The following TPD52 variants were observed in gnomAD, a reference collection of about 807,000 sequenced individuals.
TPD52 encodes prostate and colon associated protein.
TPD52 carries 17 observed loss-of-function variants against 31.3 expected under a neutral mutation model. The ratio of observed to expected loss-of-function variants is 0.54; its 90% confidence interval spans 0.37 to 0.82. The LOEUF (loss-of-function observed/expected upper bound fraction) is 0.82. TPD52 is among the 40% of genes least tolerant of loss of function. TPD52 has a pLI of 0.00. For synonymous variants in TPD52, 83 were observed against 89.6 expected (o/e 0.93, Z 0.42); for missense variants, 212 against 240.1 (o/e 0.88, Z 0.77).
At chr8:80,141,983 G>C (rs547859451) in intron 1 of TPD52, among the ~76,000 whole-genome samples, 68 of 152,150 alleles carry the variant, frequency 4.5e-4, no homozygotes, top group African/African-American at 1.6e-3. Flanking sequence ...TGTAGCAATA[G>C]ATACTAAGAT....
At chr8:80,141,952 C>A (rs1809859995) in intron 1 of TPD52, among the ~76,000 whole-genome samples, 1 of 152,056 alleles carries the variant, frequency 6.6e-6, no homozygotes, top group Admixed American at 6.6e-5. Flanking sequence ...TTTTATTAAG[C>A]TGCTAAGTTT....
At chr8:80,164,030 G>A (rs923282795) in intron 1 of TPD52, among the ~76,000 whole-genome samples, 18 of 141,620 alleles carry the variant, frequency 1.3e-4, no homozygotes, top group Non-Finnish European at 4.6e-5. Flanking sequence ...GAGACAGAGA[G>A]AGAGAGAGAG....
chr8:80,143,285 A>T (rs1295916055), intron 1 of TPD52, among the ~76,000 whole-genome samples: 3 of 152,230 alleles, frequency 2.0e-5, no homozygotes, highest in Non-Finnish European at 4.4e-5. Context: ...TGTATCCAGA[A>T]TGAGAAGGTC....
intron 1 of TPD52, among the ~76,000 whole-genome samples, chr8:80,115,499 A>G (rs1030187516): frequency 1.3e-5 from 2 of 152,214 alleles, no homozygotes; most frequent in Admixed American, 1.3e-4. Flanking sequence ...CAGCAGAACC[A>G]TAACAGTAGA....
At chr8:80,142,422 G>A (rs2131149818) in intron 1 of TPD52, among the ~76,000 whole-genome samples, 1 of 152,298 alleles carries the variant, frequency 6.6e-6, no homozygotes, top group South Asian at 2.1e-4. Flanking sequence ...ACCACAACTG[G>A]AAAATAAAGC....
At position 80,035,438 on chromosome 8, in the gene TPD52, G is replaced by A. The variant is rs990385015; in HGVS notation, c.*2678C>T. 6.6e-6 allele frequency: 1 copy of A among 152,132 alleles called. No homozygotes were observed. Among genetic ancestry groups the A allele is most frequent in the Non-Finnish European group, 1.5e-5 (1 of 68,014 alleles). The allele number at this position is 152,132 out of a possible 1,614,324, so 9.4% of individuals were successfully genotyped here. A position where few individuals can be genotyped will look rare whatever the true frequency, so the allele number is the denominator to read the frequency against. On this transcript the variant is annotated 3_prime_UTR_variant, in exon 8 of 8. Transcript: ENST00000518937. Reference sequence around the variant, plus strand: ...TAAGTATCATATCCAGAATATGAAGGGTTTGGAGAGAAGTTGCATAATGGA... The same window carrying A: ...TAAGTATCATATCCAGAATATGAAGAGTTTGGAGAGAAGTTGCATAATGGA...
chr8:80,040,917 G>A (rs1037629643), intron 7 of TPD52, among the ~76,000 whole-genome samples: 3 of 152,146 alleles, frequency 2.0e-5, no homozygotes, highest in Non-Finnish European at 4.4e-5. Flanking sequence ...CTAAGCCTTT[G>A]AGAAGTATCA....
At chr8:80,127,760 A>G (rs1200672359) in intron 1 of TPD52, 5 of 151,834 alleles carry the variant, frequency 3.3e-5, no homozygotes. Flanking sequence ...CCTGACAAAT[A>G]CAGGTCCCAC....
chr8:80,086,155 G>C (rs1202523700), intron 1 of TPD52, among the ~76,000 whole-genome samples: 1 of 107,216 alleles, frequency 9.3e-6, no homozygotes, highest in East Asian at 2.9e-4. Flanking sequence ...CTCTCACTCT[G>C]TTGCCAGGCT....
At position 80,051,592 on chromosome 8, in the gene TPD52, T is replaced by A; in HGVS notation, c.321A>T (p.Gly107=). The part of the protein sequence containing the change: ...KKTSETLSQA[G]QKASAAFSSV... ...ACGAAAAAGCAGCTGAGGCCTTCTG[T>A]CCAGCCTGGGATAAGGTTTCAGATG... The change falls in exon 4 of 8, where the codon GGA becomes GGT. Residue 107 remains glycine (G), a synonymous_variant. Coordinates refer to ENST00000518937, the MANE Select transcript of TPD52 (RefSeq NM_001025253.3). 6.2e-7 allele frequency: 1 copy of A among 1,612,918 alleles called. No homozygotes were observed. Among genetic ancestry groups the A allele is most frequent in the South Asian group, 1.1e-5 (1 of 90,936 alleles).
chr8:80,031,094 GTTTA>G (rs1292699103), downstream of TPD52, among the ~76,000 whole-genome samples: 1 of 152,158 alleles, frequency 6.6e-6, no homozygotes, highest in African/African-American at 2.4e-5. Flanking sequence ...ATTCTTAAGT[GTTTA>G]TTAATTAGTT....
intron 1 of TPD52, among the ~76,000 whole-genome samples, chr8:80,126,349 A>G (rs1808592953): frequency 6.6e-6 from 1 of 151,084 alleles, no homozygotes; most frequent in Admixed American, 6.6e-5. Context: ...TTCATTTTGA[A>G]ATACTCATTG....
intron 1 of TPD52, among the ~76,000 whole-genome samples, chr8:80,068,204 C>G (rs539011012): frequency 6.6e-6 from 1 of 152,190 alleles, no homozygotes; most frequent in South Asian, 2.1e-4. Context: ...AATAAAAACA[C>G]CCCATAACCA....
chr8:80,080,890 G>T, intron 1 of TPD52: 2 of 416,556 alleles, frequency 4.8e-6, no homozygotes, highest in Non-Finnish European at 6.5e-6. Flanking sequence ...AAAATCAGCT[G>T]ACCATGACTA....
At chr8:80,127,566 C>T (rs1337233044) in intron 1 of TPD52, 1 of 152,118 alleles carries the variant, frequency 6.6e-6, no homozygotes, top group Non-Finnish European at 1.5e-5. Flanking sequence ...CACATCCAAA[C>T]AGGTGGGAGT....
Position 80,041,796 on chromosome 8 carries a change from T to A in TPD52, c.504+824A>T, listed in dbSNP as rs139919444. ...AGGACTGAACAAATAATATCCATTA[T>A]AAGGTAATACAGGCCAGGCATGGTG... is the stretch of plus-strand genomic sequence containing the variant. On this transcript the variant is annotated intron_variant, in intron 7 of 7. Coordinates refer to ENST00000518937, the MANE Select transcript of TPD52 (RefSeq NM_001025253.3). 5.4e-3 allele frequency among the ~76,000 whole-genome samples: 822 copies of A among 152,172 alleles called. 6 individuals are homozygous for A. The highest frequency in any genetic ancestry group is 0.019 in the African/African-American group (783 of 41,532).
intron 2 of TPD52, among the ~76,000 whole-genome samples, chr8:80,057,938 A>G (rs1367057264): frequency 6.6e-6 from 1 of 152,212 alleles, no homozygotes; most frequent in Non-Finnish European, 1.5e-5. Flanking sequence ...TTAAATAAAG[A>G]CTATGTTTCC....
chr8:80,088,077 G>C (rs1479376380), intron 1 of TPD52, among the ~76,000 whole-genome samples: 1 of 152,192 alleles, frequency 6.6e-6, no homozygotes, highest in South Asian at 2.1e-4. Context: ...TTTGGGCATA[G>C]AGCTAGCAAG....
intron 1 of TPD52, among the ~76,000 whole-genome samples, chr8:80,100,987 C>T (rs1452554396): frequency 6.6e-6 from 1 of 152,218 alleles, no homozygotes; most frequent in Non-Finnish European, 1.5e-5. Flanking sequence ...TCCACACATA[C>T]ATTTAACCGT....
Sources: gnomAD v4.1 joint callset for allele counts (sites outside exome capture counted in the v4.1 genomes callset) on GRCh38, gnomAD v4.1.1 for gene constraint, MANE v1.5 for transcripts, NCBI Gene and HGNC (gene_info 2026-07-23, HGNC 2026-07-21) for gene names.